ANKFN1: variants seen among roughly 807,000 people sequenced by gnomAD.
The protein encoded by ANKFN1 is ankyrin repeat and fibronectin type-III domain-containing protein 1.
Under a neutral mutation model 108.7 loss-of-function variants are expected in ANKFN1, and 74 were observed. The observed-to-expected ratio is 0.68, with a 90% CI of 0.56 to 0.83. The LOEUF (loss-of-function observed/expected upper bound fraction) is 0.83, where lower values mean the gene tolerates loss of function less well. Among genes scored for constraint, ANKFN1 ranks in the 40% least tolerant of loss-of-function variants. The pLI is 0.00. For synonymous variants in ANKFN1, 547 were observed against 516.2 expected (o/e 1.06, Z -0.81); for missense variants, 1,505 against 1,382.3 (o/e 1.09, Z -1.41).
chr17:56,404,410 C>T lies in ANKFN1; in HGVS notation c.910+29696C>T, dbSNP rs556932552. On this transcript the variant is annotated intron_variant, in intron 8 of 20. Transcript: ENST00000682825. ...TAGGTTAATTTGAAGACCTTGTCTTCGAGCTCTGAATTTCTTTCTTTTACT... is the reference window on the plus strand; with the variant it reads ...TAGGTTAATTTGAAGACCTTGTCTTTGAGCTCTGAATTTCTTTCTTTTACT... Among the ~76,000 whole-genome samples, 5 of 152,218 alleles carry T rather than the reference C, an allele frequency of 3.3e-5. No homozygotes were observed. The South Asian group carries it at 8.3e-4, about 25-fold the overall frequency.
intron 3 of ANKFN1, among the ~76,000 whole-genome samples, chr17:56,313,073 G>C (rs907536607): frequency 6.6e-6 from 1 of 151,426 alleles, no homozygotes; most frequent in Non-Finnish European, 1.5e-5. Flanking sequence ...AGAATTGCTT[G>C]AAGCGGGGAG....
At chr17:56,401,368 ATTGTGTTGTG>A (rs71139906) in intron 8 of ANKFN1, among the ~76,000 whole-genome samples, 18,488 of 135,066 alleles carry the variant, frequency 0.14, 1,384 homozygotes, top group African/African-American at 0.18. Flanking sequence ...ATTGTATTGT[ATTGTGTTGTG>A]TTGTGTTGTG....
At chr17:56,302,506 C>T (rs2144376362) in intron 3 of ANKFN1, among the ~76,000 whole-genome samples, 1 of 140,378 alleles carries the variant, frequency 7.1e-6, no homozygotes, top group Admixed American at 7.1e-5. Flanking sequence ...CAGAGTGAGA[C>T]CTAGCCTCTA....
At chr17:56,300,460 CAT>C (rs1172822806) in intron 3 of ANKFN1, among the ~76,000 whole-genome samples, 1 of 152,154 alleles carries the variant, frequency 6.6e-6, no homozygotes, top group Non-Finnish European at 1.5e-5. Flanking sequence ...ATTTAATCCA[CAT>C]GTTTCTGTTT....
At chr17:56,465,782 A>G (rs2050052449) in intron 14 of ANKFN1, among the ~76,000 whole-genome samples, 1 of 152,240 alleles carries the variant, frequency 6.6e-6, no homozygotes, top group Admixed American at 6.5e-5. Flanking sequence ...ACAGATTTTT[A>G]AATAAACAGA....
At chr17:56,471,215 G>A (rs1347917826) in intron 15 of ANKFN1, 1 of 152,676 alleles carries the variant, frequency 6.5e-6, no homozygotes, top group Admixed American at 6.6e-5. Flanking sequence ...CTAGGCTGAT[G>A]GCCTTCCCAT....
rs761872808 is a variant in ANKFN1 at position 56,372,761 on chromosome 17, A to C, written c.717A>C (p.Thr239=). Residue 239 remains threonine, a synonymous_variant, in exon 7 of 21, where the codon ACA becomes ACC. Coordinates refer to ENST00000682825, the MANE Select transcript of ANKFN1 (RefSeq NM_001370326.1). ...VENEGFTLDN[T]EKEKQLKAWE... ...ATGAAGGATTCACTCTGGACAACAC[A>C]GAGAAAGAGAAGCAGCTGAAAGCTT... 3.1e-6 allele frequency: 5 copies of C among 1,614,078 alleles called. No homozygotes were observed. The highest frequency in any genetic ancestry group is 4.2e-6 in the Non-Finnish European group (5 of 1,179,984).
At chr17:56,351,049 G>A in intron 5 of ANKFN1, 82 bp downstream of exon 5, 1 of 1,398,684 alleles carries the variant, frequency 7.1e-7, no homozygotes, top group Non-Finnish European at 9.8e-7. Flanking sequence ...GATGATTCAT[G>A]TTTACTTCAG....
intron 8 of ANKFN1, among the ~76,000 whole-genome samples, chr17:56,431,936 GCT>G (rs2048770706): frequency 6.6e-6 from 1 of 152,160 alleles, no homozygotes; most frequent in Admixed American, 6.5e-5. Flanking sequence ...GCTTGCTGGA[GCT>G]CTCTCCATGC....
intron 4 of ANKFN1, among the ~76,000 whole-genome samples, chr17:56,341,398 T>G (rs1454838067): frequency 2.0e-5 from 3 of 152,154 alleles, no homozygotes; most frequent in Non-Finnish European, 2.9e-5. Context: ...TCAAGGGGAA[T>G]GCTTCCAGCT....
chr17:56,455,236 C>A (rs1030970786), intron 11 of ANKFN1, among the ~76,000 whole-genome samples: 1 of 152,090 alleles, frequency 6.6e-6, no homozygotes, highest in African/African-American at 2.4e-5. Context: ...TATGTTGTTT[C>A]CTTCTTTTCT....
intron 4 of ANKFN1, among the ~76,000 whole-genome samples, chr17:56,122,292 GT>G (rs900902707): frequency 1.3e-5 from 2 of 152,156 alleles, no homozygotes; most frequent in African/African-American, 4.8e-5. Context: ...TGAAATTACA[GT>G]TTTATAACTT....
At chr17:56,335,026 A>G (rs2045767311) in intron 4 of ANKFN1, among the ~76,000 whole-genome samples, 1 of 152,188 alleles carries the variant, frequency 6.6e-6, no homozygotes, top group African/African-American at 2.4e-5. Flanking sequence ...GTCAAAAATC[A>G]GATGGTCGTA....
chr17:56,053,208 A>G (rs1904808247), intron 4 of ANKFN1, among the ~76,000 whole-genome samples: 1 of 152,066 alleles, frequency 6.6e-6, no homozygotes, highest in African/African-American at 2.4e-5. Flanking sequence ...GGGGAACATG[A>G]GATATTTTGA....
chr17:56,090,493 G>A (rs756752949), intron 4 of ANKFN1, among the ~76,000 whole-genome samples: 5 of 151,152 alleles, frequency 3.3e-5, no homozygotes, highest in Admixed American at 6.6e-5. Context: ...TTGTCTCTGT[G>A]CTTAGGGTAT....
At chr17:56,485,086 A>C (rs1037137032) in intron 18 of ANKFN1, among the ~76,000 whole-genome samples, 47 of 152,170 alleles carry the variant, frequency 3.1e-4, no homozygotes, top group African/African-American at 1.1e-3. Context: ...TCAGTTTTTC[A>C]TTCATTCATC....
intron 1 of ANKFN1, among the ~76,000 whole-genome samples, chr17:56,169,062 A>T (rs1567814997): frequency 6.6e-6 from 1 of 152,150 alleles, no homozygotes; most frequent in Non-Finnish European, 1.5e-5. Context: ...TGTAACAGAA[A>T]GCGGGGAAAA....
chr17:56,312,784 A>T (rs1366541024), intron 3 of ANKFN1, among the ~76,000 whole-genome samples: 1 of 152,192 alleles, frequency 6.6e-6, no homozygotes, highest in Non-Finnish European at 1.5e-5. Context: ...CTCCCATGCA[A>T]CTCACAGTCT....
intron 2 of ANKFN1, chr17:56,215,797 C>G (rs1915382102): frequency 6.6e-6 from 1 of 152,290 alleles, no homozygotes; most frequent in African/African-American, 2.4e-5. Flanking sequence ...TTCACAGAGC[C>G]CCACAAATGA....
Sources: gnomAD v4.1 joint callset for allele counts (sites outside exome capture counted in the v4.1 genomes callset) on GRCh38, gnomAD v4.1.1 for gene constraint, MANE v1.5 for transcripts, NCBI Gene and HGNC (gene_info 2026-07-23, HGNC 2026-07-21) for gene names.